The following DPYD variants were observed in gnomAD, a reference collection of about 807,000 sequenced individuals.
DPYD encodes the protein dihydropyrimidine dehydrogenase, also known as dihydropyrimidine dehydrogenase [NADP(+)].
A neutral mutation model predicts 116.2 loss-of-function variants in DPYD; 109 were observed. The ratio of observed to expected loss-of-function variants is 0.94; its 90% confidence interval spans 0.80 to 1.10. The LOEUF (loss-of-function observed/expected upper bound fraction) is 1.10, where lower values mean the gene tolerates loss of function less well. Among genes scored for constraint, DPYD ranks in the 50% least tolerant of loss-of-function variants. DPYD has a pLI of 0.00. For synonymous variants in DPYD, 440 were observed against 432.0 expected, an observed-to-expected ratio of 1.02 and a Z score of -0.23; for missense variants, 1,302 against 1,254.5, an observed-to-expected ratio of 1.04 and a Z score of -0.57.
chr1:97,608,328 A>G (rs115488556), intron 8 of DPYD, among the ~76,000 whole-genome samples: 1,991 of 152,124 alleles, frequency 0.013, 22 homozygotes, highest in Middle Eastern at 0.024. Flanking sequence ...ATATTCTCTT[A>G]CAATCTTAAA....
At chr1:97,277,791 GT>G (rs1210379431) in intron 18 of DPYD, among the ~76,000 whole-genome samples, 2 of 152,192 alleles carry the variant, frequency 1.3e-5, no homozygotes, top group East Asian at 3.9e-4. Flanking sequence ...AACAGCCATG[GT>G]GCCCATTTAT....
chr1:97,619,946 T>C (rs1656528755), intron 8 of DPYD, among the ~76,000 whole-genome samples: 1 of 151,884 alleles, frequency 6.6e-6, no homozygotes, highest in Admixed American at 6.6e-5. Flanking sequence ...TGACTGATTC[T>C]AAATACAAAA....
At chr1:97,731,030 T>A (rs1009424053) in intron 4 of DPYD, among the ~76,000 whole-genome samples, 1 of 152,138 alleles carries the variant, frequency 6.6e-6, no homozygotes, top group African/African-American at 2.4e-5. Context: ...ATGTGAAATA[T>A]ATATATATTC....
At chr1:97,126,721 A>C (rs536314588) in intron 20 of DPYD, among the ~76,000 whole-genome samples, 2 of 152,292 alleles carry the variant, frequency 1.3e-5, no homozygotes, top group African/African-American at 4.8e-5. Context: ...GCTGTCTGTC[A>C]CAGACAACTG....
chr1:97,722,755 A>G (rs1301037963), intron 4 of DPYD, among the ~76,000 whole-genome samples: 1 of 151,490 alleles, frequency 6.6e-6, no homozygotes, highest in Non-Finnish European at 1.5e-5. Flanking sequence ...GACATTTACT[A>G]TTTATTGACT....
chr1:97,439,176 C>T (rs1459858246), intron 14 of DPYD, among the ~76,000 whole-genome samples: 1 of 151,960 alleles, frequency 6.6e-6, no homozygotes, highest in Non-Finnish European at 1.5e-5. Flanking sequence ...TAGTTTATAA[C>T]ATATGAACTA....
At chr1:97,805,890 C>T (rs1167980512) in intron 3 of DPYD, among the ~76,000 whole-genome samples, 2 of 151,680 alleles carry the variant, frequency 1.3e-5, no homozygotes, top group Non-Finnish European at 3.0e-5. Context: ...AAAAGAGAGG[C>T]TAGAAGCTTC....
Position 97,344,317 on chromosome 1 carries a change from G to A in DPYD, c.2058+29244C>T, listed in dbSNP as rs549023355. 3.3e-5 allele frequency among the ~76,000 whole-genome samples: 5 copies of A among 151,938 alleles called. No homozygotes were observed. The South Asian group carries it at 8.3e-4, about 25-fold the overall frequency. On this transcript the variant is annotated intron_variant, in intron 16 of 22. Transcript: ENST00000370192. ...TTTGAATAGACAGACCAACATTCACGCTTGAGTTAATGCTATGCAGTACCA... is the reference window on the plus strand; with the variant it reads ...TTTGAATAGACAGACCAACATTCACACTTGAGTTAATGCTATGCAGTACCA...
chr1:97,093,399 T>A (rs1422547022), intron 21 of DPYD, among the ~76,000 whole-genome samples: 2 of 152,226 alleles, frequency 1.3e-5, no homozygotes, highest in South Asian at 2.1e-4. Context: ...ATTCTTCAGT[T>A]CATTTTATTG....
At chr1:97,592,991 C>A (rs1001890891) in intron 10 of DPYD, among the ~76,000 whole-genome samples, 23 of 152,208 alleles carry the variant, frequency 1.5e-4, no homozygotes, top group African/African-American at 5.3e-4. Flanking sequence ...TAACAAGAAG[C>A]CCTTGAGTAT....
intron 16 of DPYD, among the ~76,000 whole-genome samples, chr1:97,353,007 A>C (rs1390257207): frequency 1.3e-5 from 2 of 152,200 alleles, no homozygotes; most frequent in Non-Finnish European, 2.9e-5. Context: ...CAAGGTAACA[A>C]AAAGGACAAA....
At chr1:97,180,609 C>G (rs995385855) in intron 20 of DPYD, among the ~76,000 whole-genome samples, 3 of 152,120 alleles carry the variant, frequency 2.0e-5, no homozygotes, top group African/African-American at 7.2e-5. Flanking sequence ...AGAACAAGAA[C>G]AATCCTCATT....
chr1:97,821,237 A>C (rs1668910325), intron 3 of DPYD, among the ~76,000 whole-genome samples: 1 of 150,610 alleles, frequency 6.6e-6, no homozygotes, highest in South Asian at 2.1e-4. Context: ...AGGCTGAGGC[A>C]GGAGAATCTC....
intron 12 of DPYD, among the ~76,000 whole-genome samples, chr1:97,518,573 T>TCAAGG (rs1648402947): frequency 6.6e-6 from 1 of 152,122 alleles, no homozygotes; most frequent in Non-Finnish European, 1.5e-5. Context: ...CCAAGAGACA[T>TCAAGG]CAAGGCCTTT....
chr1:97,612,564 G>A (rs1159667058), intron 8 of DPYD, among the ~76,000 whole-genome samples: 1 of 151,920 alleles, frequency 6.6e-6, no homozygotes, highest in Admixed American at 6.6e-5. Flanking sequence ...TATTATCTCT[G>A]CAGTTAATAT....
At chr1:97,777,044 A>C (rs922008071) in intron 3 of DPYD, among the ~76,000 whole-genome samples, 1 of 152,194 alleles carries the variant, frequency 6.6e-6, no homozygotes, top group Non-Finnish European at 1.5e-5. Flanking sequence ...TAAAAATACT[A>C]TAGGAAGTGT....
At chr1:97,681,226 C>T (rs1419720481) in intron 7 of DPYD, among the ~76,000 whole-genome samples, 2 of 152,104 alleles carry the variant, frequency 1.3e-5, no homozygotes, top group Non-Finnish European at 2.9e-5. Context: ...TCAGAGCCAA[C>T]ATGCATAATT....
intron 19 of DPYD, among the ~76,000 whole-genome samples, chr1:97,233,304 CA>C (rs1182855085): frequency 6.6e-6 from 1 of 152,062 alleles, no homozygotes; most frequent in East Asian, 1.9e-4. Flanking sequence ...GCCTTATTAC[CA>C]CACGGTGATG....
chr1:97,292,144 C>A (rs1237988930), intron 18 of DPYD, among the ~76,000 whole-genome samples: 2 of 151,860 alleles, frequency 1.3e-5, no homozygotes, highest in East Asian at 3.9e-4. Flanking sequence ...GCTCTAATTC[C>A]AAGAATCTGT....
Sources: allele counts gnomAD v4.1 joint callset (sites outside exome capture counted in the v4.1 genomes callset), GRCh38; gene constraint gnomAD v4.1.1; transcripts MANE v1.5; gene names NCBI Gene and HGNC (gene_info 2026-07-23, HGNC 2026-07-21).